The following GNG12 variants were observed in gnomAD, a reference collection of about 807,000 sequenced individuals.
GNG12 encodes G protein subunit gamma 12.
For missense variants in GNG12, 69 were observed against 83.8 expected (o/e 0.82, Z 0.69); for synonymous variants, 28 against 29.7 (o/e 0.94, Z 0.19).
intron 2 of GNG12, among the ~76,000 whole-genome samples, chr1:67,749,585 T>C (rs773987555): frequency 2.1e-4 from 32 of 152,168 alleles, no homozygotes; most frequent in Non-Finnish European, 4.1e-4. Flanking sequence ...TGTTTGCTGA[T>C]TGCTGCCCCC....
chr1:67,710,737 A>G (rs1364075878), intron 2 of GNG12, among the ~76,000 whole-genome samples: 1 of 152,108 alleles, frequency 6.6e-6, no homozygotes, highest in Non-Finnish European at 1.5e-5. Flanking sequence ...GCTTTCCCTC[A>G]TTCTGATATC....
chr1:67,733,739 A>G (rs1646434844), intron 2 of GNG12, among the ~76,000 whole-genome samples: 1 of 152,200 alleles, frequency 6.6e-6, no homozygotes, highest in Admixed American at 6.5e-5. Flanking sequence ...GAGTCATTGC[A>G]GGACCAACTT....
At chr1:67,764,362 T>C (rs748308985) in intron 2 of GNG12, among the ~76,000 whole-genome samples, 22 of 152,158 alleles carry the variant, frequency 1.4e-4, no homozygotes, top group South Asian at 2.1e-4. Context: ...CTCCAAAACA[T>C]TGCTCTTACT....
intron 2 of GNG12, among the ~76,000 whole-genome samples, chr1:67,771,196 G>A (rs1310405635): frequency 1.3e-5 from 2 of 152,226 alleles, no homozygotes; most frequent in Non-Finnish European, 2.9e-5. Context: ...TCTTAACTAT[G>A]ACTGGTGAGT....
chr1:67,754,717 C>T (rs1332745639), intron 2 of GNG12, among the ~76,000 whole-genome samples: 1 of 152,202 alleles, frequency 6.6e-6, no homozygotes, highest in Non-Finnish European at 1.5e-5. Flanking sequence ...GAAGCCACAG[C>T]ACCTCCGTCT....
chr1:67,750,398 G>T (rs557639473), intron 2 of GNG12, among the ~76,000 whole-genome samples: 3 of 152,182 alleles, frequency 2.0e-5, no homozygotes, highest in Non-Finnish European at 4.4e-5. Context: ...GTGGGCTCAG[G>T]CATTGTAAAA....
At chr1:67,822,868 T>C (rs555755078) in intron 1 of GNG12, among the ~76,000 whole-genome samples, 70 of 152,246 alleles carry the variant, frequency 4.6e-4, no homozygotes, top group South Asian at 1.7e-3. Context: ...TTCAATGGCA[T>C]TTAGTTTTTG....
chr1:67,816,676 G>A (rs1646955241), intron 1 of GNG12, among the ~76,000 whole-genome samples: 2 of 152,172 alleles, frequency 1.3e-5, no homozygotes, highest in Non-Finnish European at 2.9e-5. Flanking sequence ...GAGTATAGAT[G>A]GGGCTCTCTC....
At chr1:67,744,653 G>A (rs1646498891) in intron 2 of GNG12, among the ~76,000 whole-genome samples, 1 of 152,106 alleles carries the variant, frequency 6.6e-6, no homozygotes, top group South Asian at 2.1e-4. Context: ...GAGGACTCAG[G>A]TTTTTTTGTG....
intron 2 of GNG12, among the ~76,000 whole-genome samples, chr1:67,751,184 GACACACAC>G (rs3835466): frequency 0.064 from 9,026 of 140,748 alleles, 836 homozygotes; most frequent in African/African-American, 0.21. Flanking sequence ...TACACATACA[GACACACAC>G]ACACACACAC....
At chr1:67,810,708 G>A (rs773819866) in intron 1 of GNG12, among the ~76,000 whole-genome samples, 3 of 152,164 alleles carry the variant, frequency 2.0e-5, no homozygotes, top group Non-Finnish European at 2.9e-5. Flanking sequence ...CACAGGTTGG[G>A]AATGACAGGT....
chr1:67,822,723 TG>T lies in GNG12; in HGVS notation c.-77+10620del, dbSNP rs1455050948. On this transcript the variant is annotated intron_variant, in intron 1 of 3. Coordinates refer to ENST00000370982, the MANE Select transcript of GNG12 (RefSeq NM_018841.6). ...TTGTTGTGAGTTTAAAAATTATTTT[TG>T]TTTTTTTGCTTTTTTTTTGTTTTTT... 2.8e-5 allele frequency among the ~76,000 whole-genome samples: 4 copies of T among 144,628 alleles called. No individual in the cohort carries two copies. In the Admixed American group the frequency reaches 2.9e-4, roughly 10 times the overall value. 94.9% of individuals were successfully genotyped at this position (144,628 alleles called of 152,430 possible).
intron 1 of GNG12, among the ~76,000 whole-genome samples, chr1:67,787,028 T>TAA (rs1240418004): frequency 2.8e-5 from 3 of 106,642 alleles, no homozygotes; most frequent in Non-Finnish European, 3.8e-5. Flanking sequence ...TATATATGTA[T>TAA]GTGTATAAGT....
intron 1 of GNG12, among the ~76,000 whole-genome samples, chr1:67,818,996 C>CT (rs1283141171): frequency 1.3e-5 from 2 of 152,070 alleles, no homozygotes; most frequent in Non-Finnish European, 2.9e-5. Context: ...TTTCTATTGT[C>CT]TATGAGTTCA....
chr1:67,794,160 C>T (rs760702206), intron 1 of GNG12, among the ~76,000 whole-genome samples: 1 of 152,132 alleles, frequency 6.6e-6, no homozygotes, highest in Non-Finnish European at 1.5e-5. Context: ...TTTTGCTTCC[C>T]GCTTATTACT....
chr1:67,722,534 G>T (rs1175599077), intron 2 of GNG12, among the ~76,000 whole-genome samples: 1 of 150,130 alleles, frequency 6.7e-6, no homozygotes, highest in Admixed American at 6.7e-5. Flanking sequence ...GGTCAGTGAG[G>T]ACTTGAGTAG....
At position 67,702,217 on chromosome 1, in the gene GNG12, A is replaced by C. The variant is rs1398433253; in HGVS notation, c.*3234T>G. 6.6e-6 allele frequency: 1 copy of C among 152,260 alleles called. No homozygotes were observed. The highest frequency in any genetic ancestry group is 1.5e-5 in the Non-Finnish European group (1 of 68,044). 9.4% of individuals were successfully genotyped at this position (152,260 alleles called of 1,614,324 possible). A position where few individuals can be genotyped will look rare whatever the true frequency, so the allele number is the denominator to read the frequency against. On this transcript the variant is annotated 3_prime_UTR_variant, in exon 4 of 4. Coordinates refer to ENST00000370982, the MANE Select transcript of GNG12 (RefSeq NM_018841.6). ...CCCATTAACAGGTCTACCATAAAAG[A>C]AAGCAATAAAACCCATAATGTACTC... is the stretch of plus-strand genomic sequence containing the variant.
At chr1:67,811,926 CAGTGCCA>C (rs1488477671) in intron 1 of GNG12, among the ~76,000 whole-genome samples, 2 of 152,138 alleles carry the variant, frequency 1.3e-5, no homozygotes, top group Admixed American at 1.3e-4. Flanking sequence ...GAAGAACATG[CAGTGCCA>C]AGTATTCAAA....
chr1:67,798,961 TATAA>T (rs34151514), intron 1 of GNG12, among the ~76,000 whole-genome samples: 37 of 150,784 alleles, frequency 2.5e-4, no homozygotes, highest in African/African-American at 3.4e-4. Context: ...ACAAAAAAAA[TATAA>T]ATAAATAAAT....
Sources: allele counts gnomAD v4.1 joint callset (sites outside exome capture counted in the v4.1 genomes callset), GRCh38; gene constraint gnomAD v4.1.1; transcripts MANE v1.5; gene names NCBI Gene and HGNC (gene_info 2026-07-23, HGNC 2026-07-21).